DISP1: variants seen among roughly 807,000 people sequenced by gnomAD.
DISP1 encodes protein dispatched homolog 1.
A neutral mutation model predicts 37.3 loss-of-function variants in DISP1; 30 were observed. That is an observed-to-expected ratio of 0.80 (90% CI 0.60 to 1.09). DISP1 has a LOEUF of 1.09. DISP1 is among the 50% of genes least tolerant of loss of function. DISP1 has a pLI of 0.00. For missense variants in DISP1, 1,598 were observed against 1,879.5 expected (o/e 0.85, Z 2.77); for synonymous variants, 634 against 690.2 (o/e 0.92, Z 1.28).
intron 1 of DISP1, among the ~76,000 whole-genome samples, chr1:222,822,769 G>A (rs1663262557): frequency 6.6e-6 from 1 of 152,214 alleles, no homozygotes. Context: ...AGAGTGAGTG[G>A]TGTGATCATT....
At chr1:222,831,887 TGTGAAACAGTGAG>T (rs1411982240) in intron 1 of DISP1, among the ~76,000 whole-genome samples, 3 of 152,172 alleles carry the variant, frequency 2.0e-5, no homozygotes, top group African/African-American at 7.2e-5. Context: ...CTCTGAAGTT[TGTGAAACAGTGAG>T]GTGATTGGTC....
At chr1:222,928,325 G>T (rs912538844) in intron 1 of DISP1, 105 bp from the exon 2 acceptor site, 27 of 152,190 alleles carry the variant, frequency 1.8e-4, no homozygotes, top group Non-Finnish European at 8.8e-5. Flanking sequence ...GCCCCAAGGG[G>T]TTAAGTAGGA....
chr1:222,864,878 T>G (rs1669092219), intron 1 of DISP1, among the ~76,000 whole-genome samples: 1 of 152,190 alleles, frequency 6.6e-6, no homozygotes, highest in Admixed American at 6.5e-5. Flanking sequence ...CTGATAACCT[T>G]AAGACTCATT....
intron 1 of DISP1, among the ~76,000 whole-genome samples, chr1:222,832,984 A>G (rs1353259476): frequency 6.6e-6 from 1 of 152,116 alleles, no homozygotes; most frequent in Non-Finnish European, 1.5e-5. Flanking sequence ...TAAAACCCAA[A>G]CACACCTTAA....
chr1:222,822,088 C>A (rs776340618), intron 1 of DISP1, among the ~76,000 whole-genome samples: 8 of 152,086 alleles, frequency 5.3e-5, no homozygotes, highest in Non-Finnish European at 7.4e-5. Context: ...CAGGTAGTAT[C>A]TTTATAGTAG....
chr1:222,894,734 C>G (rs1029644834), intron 1 of DISP1, among the ~76,000 whole-genome samples: 2 of 152,238 alleles, frequency 1.3e-5, no homozygotes, highest in African/African-American at 2.4e-5. Context: ...CCCACCTGTT[C>G]CCGCTCCCGC....
chr1:222,919,344 C>T lies in DISP1; in HGVS notation c.-158-9086C>T, dbSNP rs151031941. On this transcript the variant is annotated intron_variant, in intron 1 of 8. Transcript: ENST00000675850. Reference sequence around the variant, plus strand: ...ATGCTGAGGGAAGTCACGCCCCGAGCGCAGTGTTTCTTGTGATTAGGCACA... The same window carrying T: ...ATGCTGAGGGAAGTCACGCCCCGAGTGCAGTGTTTCTTGTGATTAGGCACA... Among the ~76,000 whole-genome samples the T allele has an allele frequency of 3.4e-3, 511 of 151,408 alleles. 3 individuals are homozygous for T. Among genetic ancestry groups the T allele is most frequent in the African/African-American group, 0.012 (494 of 41,098 alleles).
At chr1:222,946,644 A>C (rs956764790) in intron 3 of DISP1, among the ~76,000 whole-genome samples, 2 of 152,198 alleles carry the variant, frequency 1.3e-5, no homozygotes, top group Non-Finnish European at 2.9e-5. Flanking sequence ...ATACAGCTAT[A>C]AACTAGTAGG....
intron 3 of DISP1, among the ~76,000 whole-genome samples, chr1:222,953,547 G>A (rs144596508): frequency 2.6e-5 from 4 of 152,200 alleles, no homozygotes; most frequent in African/African-American, 7.2e-5. Flanking sequence ...CCGAAACTGA[G>A]AGCCTTTATA....
chr1:222,974,202 T>G (rs957580223), intron 3 of DISP1, among the ~76,000 whole-genome samples: 1 of 152,190 alleles, frequency 6.6e-6, no homozygotes, highest in African/African-American at 2.4e-5. Context: ...AGTAGTACCT[T>G]TTTTCTCTTG....
rs914125468 is a variant in DISP1 at position 222,882,924 on chromosome 1, C to T, written c.-158-45506C>T. Among the ~76,000 whole-genome samples the T allele has an allele frequency of 5.3e-5, 8 of 151,844 alleles. No individual in the cohort carries two copies. In the East Asian group the frequency reaches 5.8e-4, roughly 11 times the overall value. On this transcript the variant is annotated intron_variant, in intron 1 of 8. Coordinates refer to ENST00000675850, the MANE Select transcript of DISP1 (RefSeq NM_001377229.1). ...AGAAATTTTTGCAAAAGAAAATTTTCGGAGAGAATCTTGAGATCTGTTACA... is the reference window on the plus strand; with the variant it reads ...AGAAATTTTTGCAAAAGAAAATTTTTGGAGAGAATCTTGAGATCTGTTACA...
intron 1 of DISP1, among the ~76,000 whole-genome samples, chr1:222,904,954 T>C (rs1409106106): frequency 2.6e-5 from 4 of 152,212 alleles, no homozygotes; most frequent in Non-Finnish European, 2.9e-5. Context: ...CAGAAAGACA[T>C]AAAAACTACT....
Position 223,004,184 on chromosome 1 carries a change from T to C in DISP1, c.2787T>C (p.Ser929=), listed in dbSNP as rs142695250. ...TIRAVVLEFQ[S]TYLFTLAYEK... ...GGGCAGTGGTGTTAGAGTTCCAGAG[T>C]ACCTACCTCTTCACACTGGCTTATG... Residue 929 remains serine (S), a synonymous_variant, in exon 9 of 9, where the codon AGT becomes AGC. Coordinates refer to ENST00000675850, the MANE Select transcript of DISP1 (RefSeq NM_001377229.1). The surrounding 1 kb of genome is among the most constrained non-coding windows in gnomAD (Gnocchi z 4.9). 9.7e-5 allele frequency: 156 copies of C among 1,614,026 alleles called. No homozygotes were observed. Among genetic ancestry groups the C allele is most frequent in the African/African-American group, 1.3e-5 (1 of 74,916 alleles).
chr1:222,872,289 T>C (rs1228650507), intron 1 of DISP1: 4 of 152,266 alleles, frequency 2.6e-5, no homozygotes, highest in Non-Finnish European at 5.9e-5. Context: ...ATCAGGATGA[T>C]GCTGGCCTCA....
chr1:222,892,633 G>A (rs780861520), intron 1 of DISP1, among the ~76,000 whole-genome samples: 2 of 152,266 alleles, frequency 1.3e-5, no homozygotes, highest in African/African-American at 4.8e-5. Context: ...TACAGGCTAC[G>A]ATTATTTGTA....
chr1:222,821,645 G>A (rs934684869), intron 1 of DISP1, among the ~76,000 whole-genome samples: 2 of 152,140 alleles, frequency 1.3e-5, no homozygotes, highest in Non-Finnish European at 2.9e-5. Flanking sequence ...GGAGGCTGAG[G>A]TGGGTGGATC....
chr1:222,824,728 G>A (rs1663869939), intron 1 of DISP1, among the ~76,000 whole-genome samples: 1 of 152,080 alleles, frequency 6.6e-6, no homozygotes, highest in Non-Finnish European at 1.5e-5. Flanking sequence ...CGAAAGGAGA[G>A]GTGGCAGTTA....
At chr1:222,945,975 A>C (rs908045025) in intron 3 of DISP1, 1 of 152,174 alleles carries the variant, frequency 6.6e-6, no homozygotes, top group Non-Finnish European at 1.5e-5. Flanking sequence ...ACTTAATTTG[A>C]AAAACATTAA....
At chr1:222,871,895 G>T (rs1038588836) in intron 1 of DISP1, among the ~76,000 whole-genome samples, 1 of 152,134 alleles carries the variant, frequency 6.6e-6, no homozygotes, top group Non-Finnish European at 1.5e-5. Context: ...TCCAGTTTTT[G>T]TCCATTCAGT....
Sources: allele counts gnomAD v4.1 joint callset (sites outside exome capture counted in the v4.1 genomes callset), GRCh38; gene constraint gnomAD v4.1.1; non-coding constraint Gnocchi (gnomAD v3.1); transcripts MANE v1.5; gene names NCBI Gene and HGNC (gene_info 2026-07-23, HGNC 2026-07-21).